Variants in NVL observed in about 807,000 individuals in gnomAD.
The protein encoded by NVL is nuclear valosin-containing protein-like.
In NVL, 84 loss-of-function variants were observed where a neutral mutation model predicts 110.2. The ratio of observed to expected loss-of-function variants is 0.76; its 90% CI spans 0.64 to 0.91. The LOEUF is 0.91. NVL is among the 40% of genes least tolerant of loss of function. NVL has a pLI of 0.00. For missense variants in NVL, 882 were observed against 1,035.9 expected (o/e 0.85, Z 2.04); for synonymous variants, 354 against 361.1 (o/e 0.98, Z 0.22).
At chr1:224,281,952 CAA>C (rs528565412) in intron 15 of NVL, among the ~76,000 whole-genome samples, 16 of 59,168 alleles carry the variant, frequency 2.7e-4, no homozygotes, top group Non-Finnish European at 2.9e-4. Flanking sequence ...GACTCTGTCT[CAA>C]AAAAAAAAAA....
intron 17 of NVL, 86 bp downstream of exon 17, chr1:224,275,253 G>T: frequency 6.7e-7 from 1 of 1,482,876 alleles, no homozygotes; most frequent in South Asian, 1.2e-5. Context: ...CCCAAGGGAT[G>T]ACTTCATAAG....
Position 224,307,982 on chromosome 1 carries a change from C to G in NVL, c.615+9G>C. On this transcript the variant is annotated intron_variant, in intron 6 of 22. Transcript: ENST00000281701. The stretch of plus-strand genomic sequence containing the variant: ...ATGATATGGGGCTAAAATTTCATTA[C>G]AAAAATACCTGTATCTCAGTTATTG... The G allele has an allele frequency of 2.7e-6, 4 of 1,508,502 alleles. No homozygotes were observed. Among genetic ancestry groups the G allele is most frequent in the Non-Finnish European group, 3.5e-6 (4 of 1,130,890 alleles). The allele number at this position is 1,508,502 out of a possible 1,614,324, so 93.4% of individuals were successfully genotyped here. A position where few individuals can be genotyped will look rare whatever the true frequency, so the allele number is the denominator to read the frequency against.
chr1:224,304,202 A>G (rs1021797435), intron 8 of NVL, among the ~76,000 whole-genome samples: 1 of 152,180 alleles, frequency 6.6e-6, no homozygotes, highest in African/African-American at 2.4e-5. Context: ...TGAGGTGGGC[A>G]GATCACGAAG....
chr1:224,317,454 T>C (rs1670200474), intron 4 of NVL, among the ~76,000 whole-genome samples: 1 of 152,172 alleles, frequency 6.6e-6, no homozygotes, highest in African/African-American at 2.4e-5. Flanking sequence ...TCTTGAGGGC[T>C]GTGTGGGAGT....
chr1:224,242,562 G>C (rs993776229), intron 19 of NVL, among the ~76,000 whole-genome samples: 5 of 141,110 alleles, frequency 3.5e-5, no homozygotes, highest in African/African-American at 1.3e-4. Flanking sequence ...CACTTCACTA[G>C]GTTCAAGCGA....
intron 4 of NVL, among the ~76,000 whole-genome samples, chr1:224,316,935 C>T (rs1400384126): frequency 6.6e-6 from 1 of 151,894 alleles, no homozygotes; most frequent in African/African-American, 2.4e-5. Flanking sequence ...GTCAGGAGTT[C>T]GAGACCAGCC....
chr1:224,273,770 G>A (rs1045354043), intron 17 of NVL, among the ~76,000 whole-genome samples: 2 of 152,094 alleles, frequency 1.3e-5, no homozygotes, highest in African/African-American at 4.8e-5. Context: ...TTGCTCCATA[G>A]CCCACAGTAG....
At chr1:224,229,707 C>T (rs1371136935) in intron 22 of NVL, among the ~76,000 whole-genome samples, 3 of 152,140 alleles carry the variant, frequency 2.0e-5, no homozygotes, top group Non-Finnish European at 4.4e-5. Flanking sequence ...CTCAGCCTCC[C>T]AAAGTGCTGG....
At chr1:224,250,682 C>T (rs1464130249) in intron 18 of NVL, among the ~76,000 whole-genome samples, 1 of 151,924 alleles carries the variant, frequency 6.6e-6, no homozygotes, top group African/African-American at 2.4e-5. Context: ...ATATACTGTA[C>T]CCAGTGTGCA....
At chr1:224,240,679 T>C (rs1015989295) in intron 19 of NVL, among the ~76,000 whole-genome samples, 1 of 152,130 alleles carries the variant, frequency 6.6e-6, no homozygotes, top group Non-Finnish European at 1.5e-5. Context: ...TTCACTGTTA[T>C]ATGTTTAGAT....
intron 6 of NVL, 98 bp from the exon 7 acceptor site, chr1:224,305,264 T>TGACGCCCGCGG: frequency 8.1e-7 from 1 of 1,229,810 alleles, no homozygotes; most frequent in Non-Finnish European, 1.1e-6. Flanking sequence ...AATTCATTCC[T>TGACGCCCGCGG]GCCCTAGCAC....
intron 16 of NVL, among the ~76,000 whole-genome samples, chr1:224,275,839 T>C (rs929567256): frequency 1.3e-5 from 2 of 152,216 alleles, no homozygotes; most frequent in Non-Finnish European, 2.9e-5. Context: ...TTCAACAGTA[T>C]TTTACATACA....
chr1:224,242,623 A>G (rs547045363), intron 19 of NVL, among the ~76,000 whole-genome samples: 23 of 146,964 alleles, frequency 1.6e-4, no homozygotes, highest in African/African-American at 5.8e-4. Context: ...GCACGCCACC[A>G]TGCCTGGCCA....
chr1:224,264,712 A>G (rs1664314501), intron 18 of NVL, among the ~76,000 whole-genome samples: 1 of 147,098 alleles, frequency 6.8e-6, no homozygotes, highest in South Asian at 2.3e-4. Flanking sequence ...ATAAGCATGA[A>G]AACAAGTGAA....
Position 224,308,023 on chromosome 1 carries a change from T to G in NVL, c.583A>C (p.Ser195Arg). 1 of 1,551,836 alleles carries G rather than the reference T, an allele frequency of 6.4e-7. No homozygotes were observed. Among genetic ancestry groups the G allele is most frequent in the Non-Finnish European group, 8.7e-7 (1 of 1,152,694 alleles). Residue 195 changes from serine (S) to arginine (R), a missense_variant, in exon 6 of 23, where the codon AGT becomes CGT. This residue lies in a region of NVL where 274 missense variants were observed against 268.4 expected (regional missense o/e 1.02). Transcript: ENST00000281701. ...SFFLDLSCEK[S>R]NPKKPITEIQ... ...TCAGTTATTGGCTTCTTAGGATTAC[T>G]TTTCTCACATGACAGGTCCAAGAAA...
At chr1:224,299,311 G>A (rs1668172318) in intron 10 of NVL, among the ~76,000 whole-genome samples, 1 of 150,716 alleles carries the variant, frequency 6.6e-6, no homozygotes, top group Admixed American at 6.6e-5. Context: ...AAAGTTGAAT[G>A]GGGGAAAAAA....
intron 18 of NVL, chr1:224,257,280 A>T (rs2405063): frequency 3.4e-6 from 1 of 292,354 alleles, no homozygotes; most frequent in Non-Finnish European, 7.1e-6. Context: ...TGTTCTTTAT[A>T]AAGCACCTAC....
intron 18 of NVL, chr1:224,257,280 A>C (rs2405063): frequency 1 from 292,468 of 292,472 alleles, 146,232 homozygotes; most frequent in Middle Eastern, 1. Flanking sequence ...TGTTCTTTAT[A>C]AAGCACCTAC....
At chr1:224,289,146 G>A in intron 13 of NVL, 1 of 225,320 alleles carries the variant, frequency 4.4e-6, no homozygotes, top group Non-Finnish European at 8.7e-6. Flanking sequence ...AAGAACGAAA[G>A]CAGAAACAGA....
Sources: gnomAD v4.1 joint callset for allele counts (sites outside exome capture counted in the v4.1 genomes callset) on GRCh38, gnomAD v4.1.1 for gene constraint, gnomAD v4.1.1 regional missense constraint, MANE v1.5 for transcripts, NCBI Gene and HGNC (gene_info 2026-07-23, HGNC 2026-07-21) for gene names.